The following IL1RAPL1 variants were observed in gnomAD, a reference collection of about 807,000 sequenced individuals.
IL1RAPL1 encodes the protein interleukin 1 receptor accessory protein like 1, also known as interleukin-1 receptor accessory protein-like 1.
IL1RAPL1 carries 3 observed loss-of-function variants against 48.4 expected under a neutral mutation model. The ratio of observed to expected loss-of-function variants is 0.06; its 90% CI spans 0.03 to 0.16. The LOEUF is 0.16. Among genes scored for constraint, IL1RAPL1 ranks in the 10% least tolerant of loss-of-function variants. The probability of loss-of-function intolerance (pLI) is 1.00; values close to 1 mark genes in which losing one functional copy is unlikely to be tolerated. For synonymous variants in IL1RAPL1, 185 were observed against 187.7 expected (o/e 0.99, Z 0.12); for missense variants, 349 against 530.6 (o/e 0.66, Z 3.36).
At chrX:29,248,701 C>CT (rs1330573274) in intron 2 of IL1RAPL1, among the ~76,000 whole-genome samples, 2 of 112,314 alleles carry the variant, frequency 1.8e-5, no homozygotes, top group African/African-American at 6.5e-5. Flanking sequence ...TCGTACACTG[C>CT]TGATGGGAGT....
chrX:29,257,310 A>G (rs999368314), intron 2 of IL1RAPL1, among the ~76,000 whole-genome samples: 2 of 111,470 alleles, frequency 1.8e-5, no homozygotes, highest in East Asian at 5.6e-4. Flanking sequence ...ATTTGAGTGC[A>G]TGGGAAGATA....
At chrX:29,011,379 T>A (rs1045331499) in intron 2 of IL1RAPL1, among the ~76,000 whole-genome samples, 6 of 112,204 alleles carry the variant, frequency 5.3e-5, no homozygotes, top group African/African-American at 1.9e-4. Flanking sequence ...AACCCAAATA[T>A]TTATGGAGGT....
At chrX:28,612,399 G>A (rs990920566) in intron 1 of IL1RAPL1, among the ~76,000 whole-genome samples, 18 of 111,865 alleles carry the variant, frequency 1.6e-4, no homozygotes, top group Middle Eastern at 4.7e-3. Flanking sequence ...GACCCCGGGC[G>A]GGGCGTTTTA....
intron 1 of IL1RAPL1, among the ~76,000 whole-genome samples, chrX:28,655,768 CT>C (rs905127924): frequency 9.0e-6 from 1 of 111,504 alleles, no homozygotes; most frequent in Admixed American, 9.5e-5. Flanking sequence ...TTTAAACATT[CT>C]TTTTTAGTAG....
At chrX:29,291,619 T>C (rs1278790123) in intron 3 of IL1RAPL1, among the ~76,000 whole-genome samples, 1 of 110,307 alleles carries the variant, frequency 9.1e-6, no homozygotes, top group Non-Finnish European at 1.9e-5. Context: ...GGTGTTCTTA[T>C]TGTTCAACTC....
At chrX:29,580,436 A>G (rs185797280) in intron 5 of IL1RAPL1, among the ~76,000 whole-genome samples, 1 of 111,751 alleles carries the variant, frequency 8.9e-6, no homozygotes, top group Non-Finnish European at 1.9e-5. Flanking sequence ...TTGTGTTACT[A>G]GCTCAGGCAT....
At chrX:29,894,825 A>G (rs1932345300) in intron 6 of IL1RAPL1, among the ~76,000 whole-genome samples, 2 of 110,608 alleles carry the variant, frequency 1.8e-5, no homozygotes, top group Non-Finnish European at 3.8e-5. Flanking sequence ...TCTACCATTC[A>G]TCTGTTCTTT....
intron 2 of IL1RAPL1, among the ~76,000 whole-genome samples, chrX:29,167,705 A>G (rs1169673546): frequency 1.8e-5 from 2 of 110,823 alleles, no homozygotes; most frequent in African/African-American, 6.5e-5. Context: ...TCTATGGTAT[A>G]TATGCCAGAA....
chrX:28,786,281 A>G (rs888644589), intron 1 of IL1RAPL1, among the ~76,000 whole-genome samples: 20 of 111,390 alleles, frequency 1.8e-4, no homozygotes, highest in African/African-American at 6.2e-4. Context: ...CCTGCCCAAC[A>G]TAGTGAAACC....
At chrX:29,782,100 G>GTCTATCTATCTATCTATCTA (rs57978861) in intron 6 of IL1RAPL1, among the ~76,000 whole-genome samples, 6 of 83,990 alleles carry the variant, frequency 7.1e-5, no homozygotes, top group Admixed American at 1.3e-4. Flanking sequence ...CTGTCTGTCT[G>GTCTATCTATCTATCTATCTA]TCTATCTATC....
At chrX:28,870,925 G>C (rs906818736) in intron 2 of IL1RAPL1, among the ~76,000 whole-genome samples, 1 of 111,913 alleles carries the variant, frequency 8.9e-6, no homozygotes, top group Non-Finnish European at 1.9e-5. Context: ...CCAATATGGA[G>C]TGATGGTTTT....
At chrX:29,410,539 C>G (rs148265267) in intron 5 of IL1RAPL1, among the ~76,000 whole-genome samples, 2,325 of 110,752 alleles carry the variant, frequency 0.021, 67 homozygotes, top group African/African-American at 0.073. Context: ...GAAAATAATT[C>G]ACTATTTTAT....
intron 3 of IL1RAPL1, among the ~76,000 whole-genome samples, chrX:29,339,021 C>T (rs896416038): frequency 3.7e-5 from 4 of 107,590 alleles, no homozygotes; most frequent in African/African-American, 1.0e-4. Context: ...TCGGCCCACC[C>T]GAGCCGCAGG....
intron 2 of IL1RAPL1, among the ~76,000 whole-genome samples, chrX:29,145,742 A>C (rs935374329): frequency 8.9e-6 from 1 of 111,821 alleles, no homozygotes; most frequent in Admixed American, 9.6e-5. Context: ...CATCTCAGTT[A>C]ATTGCATCGT....
At chrX:29,490,854 A>G (rs59200345) in intron 5 of IL1RAPL1, among the ~76,000 whole-genome samples, 67 of 100,257 alleles carry the variant, frequency 6.7e-4, no homozygotes, top group Admixed American at 1.5e-3. Context: ...GTGTGTGTGT[A>G]TATATATATA....
At position 29,457,847 on chromosome X, in the gene IL1RAPL1, C is replaced by T. The variant is rs182806518; in HGVS notation, c.703+58539C>T. On this transcript the variant is annotated intron_variant, in intron 5 of 10. Coordinates refer to ENST00000378993, the MANE Select transcript of IL1RAPL1 (RefSeq NM_014271.4). ...AAACATTCTCTTTTCTCCGCAGCCT[C>T]ACCAGCATCTGTTATTTTTTGACTT... Among the ~76,000 whole-genome samples the T allele has an allele frequency of 5.5e-3, 614 of 112,546 alleles. 3 individuals carry two copies. Among genetic ancestry groups the T allele is most frequent in the African/African-American group, 0.017 (532 of 31,036 alleles).
chrX:29,259,358 C>T (rs1051058252), intron 2 of IL1RAPL1, among the ~76,000 whole-genome samples: 5 of 111,150 alleles, frequency 4.5e-5, no homozygotes, highest in Admixed American at 9.6e-5. Flanking sequence ...AACTGGATTT[C>T]GTAGTCAAAT....
At chrX:28,742,890 C>T (rs1935927740) in intron 1 of IL1RAPL1, among the ~76,000 whole-genome samples, 1 of 111,569 alleles carries the variant, frequency 9.0e-6, no homozygotes, top group South Asian at 3.8e-4. Flanking sequence ...AGTCATTACT[C>T]AATCTTTAGG....
chrX:29,083,560 A>C (rs1927889026), intron 2 of IL1RAPL1, among the ~76,000 whole-genome samples: 1 of 111,723 alleles, frequency 9.0e-6, no homozygotes, highest in Non-Finnish European at 1.9e-5. Flanking sequence ...ATGATTATGC[A>C]GTAGTGGCCA....
Sources: gnomAD v4.1 joint callset for allele counts (sites outside exome capture counted in the v4.1 genomes callset) on GRCh38, gnomAD v4.1.1 for gene constraint, MANE v1.5 for transcripts, NCBI Gene and HGNC (gene_info 2026-07-23, HGNC 2026-07-21) for gene names.